The following AGMO variants were observed in gnomAD, a reference collection of about 807,000 sequenced individuals.
AGMO encodes alkylglycerol monooxygenase.
AGMO carries 75 observed loss-of-function variants against 60.2 expected under a neutral mutation model. That is an observed-to-expected ratio of 1.25 (90% CI 1.03 to 1.51). The LOEUF (loss-of-function observed/expected upper bound fraction) is 1.51. AGMO is among the 40% of genes most tolerant of loss of function. The probability of loss-of-function intolerance (pLI) is 0.00; values close to 1 mark genes in which losing one functional copy is unlikely to be tolerated. For missense variants in AGMO, 763 were observed against 525.5 expected, an observed-to-expected ratio of 1.45 and a Z score of -4.42; for synonymous variants, 261 against 177.1, an observed-to-expected ratio of 1.47 and a Z score of -3.76.
At chr7:15,451,693 A>T (rs1476506638) in intron 3 of AGMO, among the ~76,000 whole-genome samples, 2 of 152,152 alleles carry the variant, frequency 1.3e-5, no homozygotes, top group African/African-American at 4.8e-5. Flanking sequence ...TAAAAGAAAA[A>T]CTTCGGCCGA....
chr7:15,187,904 C>CG, the AGMO span, among the ~76,000 whole-genome samples: 10 of 151,618 alleles, frequency 6.6e-5, no homozygotes, highest in East Asian at 1.4e-3. Context: ...TTAACTCCCC[C>CG]CCGACTGCCC....
intron 12 of AGMO, among the ~76,000 whole-genome samples, chr7:15,279,896 T>C (rs887637520): frequency 1.3e-5 from 2 of 152,154 alleles, no homozygotes; most frequent in Non-Finnish European, 2.9e-5. Flanking sequence ...GGGAGAGCCT[T>C]GTGTGCATTT....
At chr7:15,337,565 T>C (rs1222547775) in intron 12 of AGMO, among the ~76,000 whole-genome samples, 1 of 152,132 alleles carries the variant, frequency 6.6e-6, no homozygotes, top group Non-Finnish European at 1.5e-5. Flanking sequence ...ACTGATTAAA[T>C]CTACCACTAC....
At chr7:15,481,985 AAACAT>A (rs1168465641) in intron 3 of AGMO, among the ~76,000 whole-genome samples, 22 of 152,160 alleles carry the variant, frequency 1.4e-4, no homozygotes, top group African/African-American at 5.1e-4. Context: ...AATCACAGTA[AAACAT>A]AACATATCAC....
chr7:15,293,663 G>A (rs1784336564), intron 12 of AGMO, among the ~76,000 whole-genome samples: 1 of 152,146 alleles, frequency 6.6e-6, no homozygotes, highest in African/African-American at 2.4e-5. Flanking sequence ...TTCAAAGAAA[G>A]ATCAGTATTT....
At chr7:15,126,043 G>C in the AGMO span, among the ~76,000 whole-genome samples, 8 of 152,150 alleles carry the variant, frequency 5.3e-5, no homozygotes, top group South Asian at 1.2e-3. Context: ...CAGGCATTTG[G>C]TGAAGTACCA....
At chr7:15,418,834 A>G (rs1348656568) in intron 4 of AGMO, among the ~76,000 whole-genome samples, 181 bp from the exon 5 acceptor site, 1 of 151,910 alleles carries the variant, frequency 6.6e-6, no homozygotes, top group Admixed American at 6.6e-5. Context: ...AGTTACAGAC[A>G]TGTTGGAGCT....
At chr7:15,389,209 A>C (rs991526166) in intron 8 of AGMO, among the ~76,000 whole-genome samples, 4 of 152,192 alleles carry the variant, frequency 2.6e-5, no homozygotes, top group Non-Finnish European at 5.9e-5. Context: ...ACCAGACCAC[A>C]GAACTACTGA....
chr7:15,446,349 T>C (rs556667652), intron 3 of AGMO, among the ~76,000 whole-genome samples: 17 of 152,284 alleles, frequency 1.1e-4, no homozygotes, highest in Middle Eastern at 3.4e-3. Flanking sequence ...TTGCCCATCA[T>C]AAATAGATGC....
intron 10 of AGMO, among the ~76,000 whole-genome samples, chr7:15,376,715 A>AT (rs2128569113): frequency 6.6e-6 from 1 of 152,216 alleles, no homozygotes; most frequent in African/African-American, 2.4e-5. Context: ...TGCAATACAT[A>AT]TTATACATAT....
At chr7:15,403,566 C>T (rs1784611564) in intron 5 of AGMO, among the ~76,000 whole-genome samples, 1 of 152,020 alleles carries the variant, frequency 6.6e-6, no homozygotes, top group African/African-American at 2.4e-5. Context: ...TGATTTTATA[C>T]TATCAATAAA....
chr7:15,440,859 A>G (rs905105298), intron 3 of AGMO, among the ~76,000 whole-genome samples: 3 of 152,194 alleles, frequency 2.0e-5, no homozygotes, highest in Non-Finnish European at 4.4e-5. Flanking sequence ...TGTTATGGAT[A>G]AGACAGTCTG....
chr7:15,479,437 G>A (rs537190232), intron 3 of AGMO, among the ~76,000 whole-genome samples: 1 of 152,170 alleles, frequency 6.6e-6, no homozygotes, highest in African/African-American at 2.4e-5. Flanking sequence ...CCTTAAGGTC[G>A]TAAGACTAGA....
At position 15,387,399 on chromosome 7, in the gene AGMO, T is replaced by C. The variant is rs1355893075; in HGVS notation, c.957+7A>G. On this transcript the variant is annotated splice_region_variant and intron_variant, in intron 9 of 12. Coordinates refer to ENST00000342526, the MANE Select transcript of AGMO (RefSeq NM_001004320.2). ...TCACCATCTCCAATTCTGTGAACTC[T>C]ATTTACCTCTGGAATTTCTTCACTG... The C allele has an allele frequency of 6.2e-7, 1 of 1,613,070 alleles. No homozygotes were observed.
intron 12 of AGMO, among the ~76,000 whole-genome samples, chr7:15,330,321 A>G (rs1257290409): frequency 6.6e-6 from 1 of 152,200 alleles, no homozygotes; most frequent in African/African-American, 2.4e-5. Context: ...TGGGGCAGGA[A>G]TAAAAGTAGA....
chr7:15,424,871 T>C (rs1221381450), intron 4 of AGMO, among the ~76,000 whole-genome samples: 3 of 152,202 alleles, frequency 2.0e-5, no homozygotes, highest in African/African-American at 4.8e-5. Flanking sequence ...TACATCAAAG[T>C]TGTTAGTTTC....
At chr7:15,313,913 C>A (rs1780839997) in intron 12 of AGMO, among the ~76,000 whole-genome samples, 1 of 151,626 alleles carries the variant, frequency 6.6e-6, no homozygotes, top group Admixed American at 6.6e-5. Context: ...CTATACTCAC[C>A]CTTCTGCTTG....
intron 12 of AGMO, among the ~76,000 whole-genome samples, chr7:15,322,535 AATATATAT>A (rs1298513890): frequency 3.7e-5 from 2 of 53,542 alleles, no homozygotes; most frequent in Non-Finnish European, 5.9e-5. Flanking sequence ...TAAATATATA[AATATATAT>A]ATAAATATAT....
chr7:15,376,568 C>G (rs1583476660), intron 10 of AGMO, among the ~76,000 whole-genome samples: 1 of 151,978 alleles, frequency 6.6e-6, no homozygotes, highest in East Asian at 1.9e-4. Flanking sequence ...TCAAAGTAAT[C>G]TGTGTTCAAA....
Sources: allele counts gnomAD v4.1 joint callset (sites outside exome capture counted in the v4.1 genomes callset), GRCh38; gene constraint gnomAD v4.1.1; transcripts MANE v1.5; gene names NCBI Gene and HGNC (gene_info 2026-07-23, HGNC 2026-07-21).